GON4L: variants seen among roughly 807,000 people sequenced by gnomAD.
GON4L encodes gon-4 like.
Under a neutral mutation model 211.8 loss-of-function variants are expected in GON4L, and 87 were observed. That is an observed-to-expected ratio of 0.41 (90% CI 0.35 to 0.49). The LOEUF is 0.49. Among genes scored for constraint, GON4L ranks in the 20% least tolerant of loss-of-function variants. The pLI, the probability that GON4L is intolerant of heterozygous loss-of-function variation, is 0.15. For missense variants in GON4L, 2,155 were observed against 2,659.5 expected (o/e 0.81, Z 4.17); for synonymous variants, 875 against 962.6 (o/e 0.91, Z 1.68).
intron 19 of GON4L, among the ~76,000 whole-genome samples, chr1:155,769,835 T>G (rs565138090): frequency 6.6e-6 from 1 of 151,708 alleles, no homozygotes; most frequent in Non-Finnish European, 1.5e-5. Context: ...AAAATGTGCA[T>G]GTTTGTGGTG....
intron 11 of GON4L, among the ~76,000 whole-genome samples, chr1:155,800,385 C>G (rs902777258): frequency 1.3e-5 from 2 of 149,838 alleles, no homozygotes; most frequent in African/African-American, 4.9e-5. Context: ...TGGTGAAACC[C>G]TGACTCTACT....
At chr1:155,761,174 G>GT (rs1557828496) in intron 23 of GON4L, among the ~76,000 whole-genome samples, 14 of 142,078 alleles carry the variant, frequency 9.9e-5, no homozygotes, top group African/African-American at 3.6e-4. Context: ...GCTTATGTGT[G>GT]GTTTTTTTTT....
At chr1:155,823,080 C>T (rs572173379) in intron 3 of GON4L, among the ~76,000 whole-genome samples, 1 of 152,310 alleles carries the variant, frequency 6.6e-6, no homozygotes, top group Non-Finnish European at 1.5e-5. Flanking sequence ...CAGGCATGTG[C>T]CACCACGCCC....
chr1:155,806,582 G>A (rs1161367890), intron 10 of GON4L, among the ~76,000 whole-genome samples: 1 of 152,078 alleles, frequency 6.6e-6, no homozygotes, highest in African/African-American at 2.4e-5. Flanking sequence ...AAGGCATGGT[G>A]GTATGTGCCT....
At chr1:155,746,859 T>C (rs1289414616), downstream of GON4L, 3 of 1,596,046 alleles carry the variant, frequency 1.9e-6, no homozygotes, top group Non-Finnish European at 1.7e-6. Flanking sequence ...TCCAAGACTT[T>C]CTGAGTGCAG....
At chr1:155,769,565 A>C (rs193074078) in intron 19 of GON4L, among the ~76,000 whole-genome samples, 2 of 152,298 alleles carry the variant, frequency 1.3e-5, no homozygotes, top group Admixed American at 1.3e-4. Context: ...AGACACGCTG[A>C]AAGGAGATTA....
chr1:155,761,787 G>A (rs1027548282), intron 23 of GON4L, among the ~76,000 whole-genome samples: 3 of 152,048 alleles, frequency 2.0e-5, no homozygotes, highest in Non-Finnish European at 2.9e-5. Flanking sequence ...CAGCCACCAC[G>A]CCCAGCTGGT....
chr1:155,759,695 TA>T (rs1025579078), intron 24 of GON4L, among the ~76,000 whole-genome samples: 1 of 151,760 alleles, frequency 6.6e-6, no homozygotes, highest in Non-Finnish European at 1.5e-5. Flanking sequence ...TTAACCCCAA[TA>T]AAACTCTTAG....
chr1:155,817,843 G>C (rs1668382821), intron 6 of GON4L, among the ~76,000 whole-genome samples: 1 of 150,526 alleles, frequency 6.6e-6, no homozygotes, highest in South Asian at 2.1e-4. Flanking sequence ...AAGATCCCTT[G>C]AGCACAGGAA....
intron 11 of GON4L, among the ~76,000 whole-genome samples, chr1:155,796,739 G>C (rs1359341499): frequency 1.3e-5 from 2 of 151,936 alleles, no homozygotes; most frequent in East Asian, 1.9e-4. Context: ...TGATGGAAAT[G>C]ATCTATACAT....
chr1:155,762,041 C>T (rs898552587), intron 23 of GON4L, 149 bp downstream of exon 23: 3 of 619,720 alleles, frequency 4.8e-6, no homozygotes, highest in Non-Finnish European at 8.7e-6. Context: ...GGTTCTGTCA[C>T]AGAGATCTTT....
At chr1:155,760,175 C>T (rs1002034992) in intron 24 of GON4L, among the ~76,000 whole-genome samples, 1 of 151,742 alleles carries the variant, frequency 6.6e-6, no homozygotes, top group Non-Finnish European at 1.5e-5. Flanking sequence ...GGCTTGATAC[C>T]AGTGAGAAGC....
At chr1:155,753,176 A>C in intron 29 of GON4L, 28 bp downstream of exon 29, 1 of 1,533,900 alleles carries the variant, frequency 6.5e-7, no homozygotes, top group Non-Finnish European at 9.0e-7. Context: ...ACTGAGGAAC[A>C]GAAGGGCTGC....
At chr1:155,782,156 CTTCT>C (rs902263981) in intron 14 of GON4L, among the ~76,000 whole-genome samples, 2 of 152,138 alleles carry the variant, frequency 1.3e-5, no homozygotes, top group Non-Finnish European at 2.9e-5. Flanking sequence ...TTTCCTCTCT[CTTCT>C]TTATTGTGTT....
rs187585593 is a variant in GON4L at position 155,816,349 on chromosome 1, C to A, written c.1015-87G>T. 6.8e-5 allele frequency: 48 copies of A among 702,572 alleles called. No homozygotes were observed. In the African/African-American group the frequency reaches 7.4e-4, roughly 11 times the overall value. 43.5% of individuals were successfully genotyped at this position (702,572 alleles called of 1,614,324 possible). A position where few individuals can be genotyped will look rare whatever the true frequency, so the allele number is the denominator to read the frequency against. The stretch of plus-strand genomic sequence containing the variant: ...ACTTCCTCTGTACCATCACTAACAG[C>A]CATATACTTAACAAGTAACTGCAGT... On this transcript the variant is annotated intron_variant, in intron 6 of 31. Coordinates refer to ENST00000368331, the MANE Select transcript of GON4L (RefSeq NM_001282860.2).
At chr1:155,754,547 TGAGA>T in intron 27 of GON4L, 59 bp from the exon 28 acceptor site, 1 of 955,254 alleles carries the variant, frequency 1.0e-6, no homozygotes. Context: ...TTTTTTTTTT[TGAGA>T]CAGAGTCTCG....
At chr1:155,766,741 T>C (rs142295579) in intron 20 of GON4L, 32 bp from the exon 21 acceptor site, 17 of 1,613,254 alleles carry the variant, frequency 1.1e-5, no homozygotes, top group African/African-American at 8.0e-5. Context: ...TGATCCAGCA[T>C]ATGTCAGAAT....
At chr1:155,813,161 G>A (rs573714984) in intron 10 of GON4L, among the ~76,000 whole-genome samples, 2 of 152,138 alleles carry the variant, frequency 1.3e-5, no homozygotes, top group Admixed American at 6.6e-5. Flanking sequence ...GCCAGGCACG[G>A]TGGTTCACAC....
chr1:155,817,923 G>GA (rs749238086), intron 6 of GON4L, among the ~76,000 whole-genome samples: 4,153 of 73,858 alleles, frequency 0.056, 81 homozygotes, highest in African/African-American at 0.083. Context: ...GCAAGTCACT[G>GA]AAAAAAAAAA....
Sources: allele counts gnomAD v4.1 joint callset (sites outside exome capture counted in the v4.1 genomes callset), GRCh38; gene constraint gnomAD v4.1.1; transcripts MANE v1.5; gene names NCBI Gene and HGNC (gene_info 2026-07-23, HGNC 2026-07-21).